The following KLHL7 variants were observed in gnomAD, a reference collection of about 807,000 sequenced individuals.
The protein encoded by KLHL7 is kelch like family member 7, also known as kelch-like protein 7.
KLHL7 carries 44 observed loss-of-function variants against 67.4 expected under a neutral mutation model. That is an observed-to-expected ratio of 0.65 (90% CI 0.51 to 0.84). The LOEUF is 0.84. KLHL7 is among the 40% of genes least tolerant of loss of function. The pLI, the probability that KLHL7 is intolerant of heterozygous loss-of-function variation, is 0.00. For missense variants in KLHL7, 362 were observed against 718.1 expected, an observed-to-expected ratio of 0.50 and a Z score of 5.67; for synonymous variants, 252 against 243.3, an observed-to-expected ratio of 1.04 and a Z score of -0.33.
chr7:23,138,482 A>G (rs1470346748), intron 4 of KLHL7, among the ~76,000 whole-genome samples: 2 of 139,776 alleles, frequency 1.4e-5, no homozygotes, highest in Admixed American at 7.0e-5. Context: ...AAAAAAAAAA[A>G]AAGAAGGTAT....
Position 23,174,889 on chromosome 7 carries a change from T to A in KLHL7, c.*591T>A, listed in dbSNP as rs1169859862. 2.2e-6 allele frequency: 1 copy of A among 454,578 alleles called. No individual in the cohort carries two copies. Among genetic ancestry groups the A allele is most frequent in the Non-Finnish European group, 4.4e-6 (1 of 226,786 alleles). 28.2% of individuals were successfully genotyped at this position (454,578 alleles called of 1,614,324 possible). On this transcript the variant is annotated 3_prime_UTR_variant, in exon 11 of 11. Coordinates refer to ENST00000339077, the MANE Select transcript of KLHL7 (RefSeq NM_001031710.3). ...CCTAAACAGATTTGGGGGTTTAATA[T>A]GTCCAACTCCTCATGAAATATATTC...
At chr7:23,172,180 C>T (rs530000344) in intron 9 of KLHL7, 1 of 456,402 alleles carries the variant, frequency 2.2e-6, no homozygotes, top group Middle Eastern at 3.3e-4. Context: ...TCACAAATGT[C>T]AGTCTTGGGA....
At chr7:23,127,605 G>A (rs1783622596) in intron 4 of KLHL7, among the ~76,000 whole-genome samples, 1 of 152,074 alleles carries the variant, frequency 6.6e-6, no homozygotes. Context: ...TTCCACAAAT[G>A]CTAAAGGAAC....
intron 4 of KLHL7, among the ~76,000 whole-genome samples, chr7:23,136,327 A>G (rs6953996): frequency 0.35 from 53,728 of 152,060 alleles, 9,774 homozygotes; most frequent in African/African-American, 0.41. Context: ...TAAGTGAGAG[A>G]GGTAAAGAGC....
intron 4 of KLHL7, among the ~76,000 whole-genome samples, chr7:23,130,140 C>T (rs10278776): frequency 0.43 from 65,687 of 152,020 alleles, 15,597 homozygotes; most frequent in African/African-American, 0.64. Flanking sequence ...TTAAAACATC[C>T]GTTAGAGCAA....
intron 7 of KLHL7, among the ~76,000 whole-genome samples, chr7:23,157,472 G>A (rs1784741205): frequency 6.6e-6 from 1 of 152,186 alleles, no homozygotes; most frequent in Non-Finnish European, 1.5e-5. Context: ...TGCATGAAAG[G>A]TATTCTCCCT....
At chr7:23,130,595 C>T (rs1372600258) in intron 4 of KLHL7, among the ~76,000 whole-genome samples, 1 of 152,082 alleles carries the variant, frequency 6.6e-6, no homozygotes, top group Admixed American at 6.5e-5. Flanking sequence ...CAGAAATTGA[C>T]ATTGTAAGTT....
chr7:23,145,903 G>A (rs1190292924), intron 6 of KLHL7, among the ~76,000 whole-genome samples: 1 of 152,038 alleles, frequency 6.6e-6, no homozygotes, highest in African/African-American at 2.4e-5. Context: ...GCTAATTTTT[G>A]TATTTTTTTG....
chr7:23,166,381 A>C (rs890981235), intron 8 of KLHL7, among the ~76,000 whole-genome samples: 28 of 152,136 alleles, frequency 1.8e-4, no homozygotes, highest in African/African-American at 6.3e-4. Context: ...TTAAGTTTTT[A>C]ATGACTGTAG....
At chr7:23,114,228 A>G (rs901818142) in intron 1 of KLHL7, among the ~76,000 whole-genome samples, 1 of 152,074 alleles carries the variant, frequency 6.6e-6, no homozygotes, top group African/African-American at 2.4e-5. Context: ...GGGCCAAACC[A>G]TCTCTCATTT....
intron 1 of KLHL7, among the ~76,000 whole-genome samples, chr7:23,115,111 C>T (rs992596603): frequency 3.9e-5 from 6 of 152,176 alleles, no homozygotes; most frequent in Non-Finnish European, 2.9e-5. Context: ...TGTGGGCTGG[C>T]TTCCATTGGA....
rs758108456 is a variant in KLHL7 at position 23,106,052 on chromosome 7, G to A, written c.26G>A (p.Ser9Asn). ...ATGGCAGCCTCTGGGGTGGAGAAGAGCAGCAAGAAGAAGACCGAGAAGAAA... is the reference window on the plus strand; with the variant it reads ...ATGGCAGCCTCTGGGGTGGAGAAGAACAGCAAGAAGAAGACCGAGAAGAAA... Reference protein sequence around the residue: MAASGVEKSSKKKTEKKLA... With the variant: MAASGVEKNSKKKTEKKLA... Residue 9 changes from serine (S) to asparagine (N), a missense_variant, in exon 1 of 11, where the codon AGC becomes AAC. Coordinates refer to ENST00000339077, the MANE Select transcript of KLHL7 (RefSeq NM_001031710.3). The A allele has an allele frequency of 1.1e-5, 18 of 1,610,110 alleles. No individual in the cohort carries two copies. The highest frequency in any genetic ancestry group is 1.4e-5 in the Non-Finnish European group (17 of 1,178,714).
chr7:23,167,793 C>T (rs1020773906), intron 8 of KLHL7, 43 bp from the exon 9 acceptor site: 10 of 1,570,576 alleles, frequency 6.4e-6, no homozygotes, highest in Non-Finnish European at 8.8e-6. Context: ...CAAACCCCCG[C>T]ACACACTAAA....
At chr7:23,140,243 AG>A in intron 4 of KLHL7, among the ~76,000 whole-genome samples, 1 of 152,184 alleles carries the variant, frequency 6.6e-6, no homozygotes, top group Admixed American at 6.5e-5. Flanking sequence ...AACACATTGA[AG>A]GGGGCTTCTC....
rs1178511056 is a variant in KLHL7, at chr7:23,106,264, C to T, written c.120+118C>T. The stretch of plus-strand genomic sequence containing the variant: ...CGCGCCCCTCTTTCTCTGTCCTCGC[C>T]CCTCCTTCCGTTTTCGCAGGCGAGC... On this transcript the variant is annotated intron_variant, in intron 1 of 10. Transcript: ENST00000339077. The T allele has an allele frequency of 4.6e-6, 7 of 1,534,338 alleles. No homozygotes were observed. The African/African-American group carries it at 5.5e-5, about 12-fold the overall frequency.
intron 4 of KLHL7, among the ~76,000 whole-genome samples, chr7:23,136,814 G>C (rs925671453): frequency 1.3e-5 from 2 of 152,048 alleles, no homozygotes; most frequent in African/African-American, 4.8e-5. Flanking sequence ...ATGGCAATAA[G>C]CACACAATAA....
At chr7:23,135,736 C>T (rs1054242368) in intron 4 of KLHL7, among the ~76,000 whole-genome samples, 1 of 152,188 alleles carries the variant, frequency 6.6e-6, no homozygotes, top group Non-Finnish European at 1.5e-5. Context: ...CCTGATGTCT[C>T]ACTGGCTTCT....
intron 6 of KLHL7, among the ~76,000 whole-genome samples, 163 bp downstream of exon 6, chr7:23,144,188 G>T (rs1191271885): frequency 6.6e-6 from 1 of 152,204 alleles, no homozygotes; most frequent in Non-Finnish European, 1.5e-5. Context: ...ACACCTGGAA[G>T]GGACTTGGCC....
At chr7:23,140,616 T>C (rs1299130877) in intron 4 of KLHL7, 153 bp from the exon 5 acceptor site, 1 of 745,096 alleles carries the variant, frequency 1.3e-6, no homozygotes, top group African/African-American at 1.7e-5. Flanking sequence ...AGTATAGTAT[T>C]GGCACAAGAA....
Sources: gnomAD v4.1 joint callset for allele counts (sites outside exome capture counted in the v4.1 genomes callset) on GRCh38, gnomAD v4.1.1 for gene constraint, MANE v1.5 for transcripts, NCBI Gene and HGNC (gene_info 2026-07-23, HGNC 2026-07-21) for gene names.